SYNJ2: variants seen among roughly 807,000 people sequenced by gnomAD.
SYNJ2 encodes the protein synaptojanin 2.
SYNJ2 carries 116 observed loss-of-function variants against 141.3 expected under a neutral mutation model. The ratio of observed to expected loss-of-function variants is 0.82; its 90% CI spans 0.71 to 0.96. The LOEUF (loss-of-function observed/expected upper bound fraction) is 0.96. Ranked by LOEUF, SYNJ2 falls within the 40% of genes least tolerant of loss-of-function variation. The pLI is 0.00. For synonymous variants in SYNJ2, 745 were observed against 777.7 expected, an observed-to-expected ratio of 0.96 and a Z score of 0.70; for missense variants, 1,873 against 1,934.8, an observed-to-expected ratio of 0.97 and a Z score of 0.60.
chr6:158,054,045 CCCATTCATCCATCCACCCATTATCCAT>C (rs1780723697), intron 5 of SYNJ2, among the ~76,000 whole-genome samples: 1 of 150,836 alleles, frequency 6.6e-6, no homozygotes, highest in Admixed American at 6.6e-5. Context: ...CATCCATCCC[CCCATTCATCCATCCACCCATTATCCAT>C]CCATTCAGCC....
At chr6:158,045,705 C>T (rs1780202963) in intron 5 of SYNJ2, among the ~76,000 whole-genome samples, 1 of 152,212 alleles carries the variant, frequency 6.6e-6, no homozygotes, top group South Asian at 2.1e-4. Flanking sequence ...TCATCTCCCT[C>T]ATCTAAAAAA....
At chr6:158,003,948 C>T (rs566526730) in intron 1 of SYNJ2, among the ~76,000 whole-genome samples, 1 of 152,342 alleles carries the variant, frequency 6.6e-6, no homozygotes, top group South Asian at 2.1e-4. Flanking sequence ...GGGGAGTTCC[C>T]CAGCCTCCTC....
At position 158,017,293 on chromosome 6, in the gene SYNJ2, G is replaced by A. The variant is rs1386398024; in HGVS notation, c.214+3G>A. Reference sequence around the variant, plus strand: ...GGGGGAGCTGAGGCTGAAATCTGGTGAGTAGCCGCTCGCTGGAGGAGCAGG... The same window carrying A: ...GGGGGAGCTGAGGCTGAAATCTGGTAAGTAGCCGCTCGCTGGAGGAGCAGG... On this transcript the variant is annotated splice_donor_region_variant and intron_variant, in intron 2 of 26. Coordinates refer to ENST00000355585, the MANE Select transcript of SYNJ2 (RefSeq NM_003898.4). 6.2e-6 allele frequency: 10 copies of A among 1,611,636 alleles called. No individual in the cohort carries two copies. Among genetic ancestry groups the A allele is most frequent in the Non-Finnish European group, 8.5e-6 (10 of 1,179,246 alleles).
At chr6:158,029,088 G>C in intron 3 of SYNJ2, 62 bp downstream of exon 3, 1 of 1,574,336 alleles carries the variant, frequency 6.4e-7, no homozygotes, top group Admixed American at 1.8e-5. Context: ...GTGGGCCCTG[G>C]TTGGCATCTG....
Position 158,096,453 on chromosome 6 carries a change from G to C in SYNJ2, c.*89G>C. 6.9e-7 allele frequency: 1 copy of C among 1,440,032 alleles called. No homozygotes were observed. Among genetic ancestry groups the C allele is most frequent in the Non-Finnish European group, 9.2e-7 (1 of 1,083,926 alleles). 89.2% of individuals were successfully genotyped at this position (1,440,032 alleles called of 1,614,324 possible). A position where few individuals can be genotyped will look rare whatever the true frequency, so the allele number is the denominator to read the frequency against. ...CACCAGAAGAGACATCTATTTAAAG[G>C]CACACTGGCCAAAACGTTTGTGCAT... On this transcript the variant is annotated 3_prime_UTR_variant, in exon 27 of 27. Transcript: ENST00000355585.
At chr6:158,050,363 A>G (rs1011591313) in intron 5 of SYNJ2, among the ~76,000 whole-genome samples, 5 of 152,220 alleles carry the variant, frequency 3.3e-5, no homozygotes, top group African/African-American at 1.2e-4. Context: ...CCACACTTTG[A>G]GAATCACTGG....
chr6:158,065,072 A>T (rs1781482477), intron 11 of SYNJ2, 81 bp downstream of exon 11: 1 of 1,441,812 alleles, frequency 6.9e-7, no homozygotes, highest in Admixed American at 2.7e-5. Flanking sequence ...TGTGCTATCC[A>T]GAGAGCGGGT....
chr6:158,070,323 C>T lies in SYNJ2; in HGVS notation c.1940+650C>T, dbSNP rs573809624. 2.0e-6 allele frequency: 2 copies of T among 985,556 alleles called. No individual in the cohort carries two copies. Among genetic ancestry groups the T allele is most frequent in the Non-Finnish European group, 2.4e-6 (2 of 830,070 alleles). The allele number at this position is 985,556 out of a possible 1,614,324, so 61.1% of individuals were successfully genotyped here. On this transcript the variant is annotated intron_variant, in intron 14 of 26. Coordinates refer to ENST00000355585, the MANE Select transcript of SYNJ2 (RefSeq NM_003898.4). The surrounding 1 kb of genome is among the most constrained non-coding windows in gnomAD (Gnocchi z 4.0). ...GCGTTGAACTGACCTCCCCACTGAG[C>T]CCCTGGGTCCCGGGAAGGGCCTGTG...
chr6:158,021,189 C>T (rs138643037), intron 2 of SYNJ2, among the ~76,000 whole-genome samples: 1 of 152,332 alleles, frequency 6.6e-6, no homozygotes, highest in East Asian at 1.9e-4. Flanking sequence ...CTATCCCAGA[C>T]TATAATGAAT....
rs981751152 is a variant in SYNJ2 at position 158,070,366 on chromosome 6, G to A, written c.1940+693G>A. On this transcript the variant is annotated intron_variant, in intron 14 of 26. Transcript: ENST00000355585. This position sits in a 1 kb window ranked among gnomAD's most constrained non-coding sequence, Gnocchi z 4.0. ...GGCCTGTGCCTGCCAAGAGCACCAC[G>A]GGTACACCCCTGCAGCACCTGGAGA... is the stretch of plus-strand genomic sequence containing the variant. 3.5e-5 allele frequency: 34 copies of A among 985,364 alleles called. No homozygotes were observed. The highest frequency in any genetic ancestry group is 3.4e-4 in the East Asian group (3 of 8,818). The allele number at this position is 985,364 out of a possible 1,614,324, so 61.0% of individuals were successfully genotyped here.
rs751346254 is a variant in SYNJ2, at chr6:158,071,638, G to T, written c.1977G>T (p.Gly659=). Reference sequence around the variant, plus strand: ...TCGACACAGTGAAGACGGGCATGGGGGGCAAGGCGGGGAACAAGGGCGCCG... The same window carrying T: ...TCGACACAGTGAAGACGGGCATGGGTGGCAAGGCGGGGAACAAGGGCGCCG... ...VAIDTVKTGM[G]GKAGNKGAVG... Residue 659 remains glycine (G), a synonymous_variant, in exon 15 of 27, where the codon GGG becomes GGT. Transcript: ENST00000355585. The surrounding 1 kb of genome is among the most constrained non-coding windows in gnomAD (Gnocchi z 4.3). 6.2e-7 allele frequency: 1 copy of T among 1,614,090 alleles called. No individual in the cohort carries two copies. The highest frequency in any genetic ancestry group is 2.2e-5 in the East Asian group (1 of 44,878).
chr6:158,063,726 C>A (rs1781376003), intron 8 of SYNJ2, 65 bp from the exon 9 acceptor site: 1 of 1,155,292 alleles, frequency 8.7e-7, no homozygotes, highest in East Asian at 2.8e-5. Context: ...ACATGGGCCT[C>A]TGTGCTATGG....
intron 1 of SYNJ2, among the ~76,000 whole-genome samples, chr6:158,007,371 C>T (rs377424432): frequency 6.6e-6 from 1 of 152,216 alleles, no homozygotes; most frequent in Non-Finnish European, 1.5e-5. Flanking sequence ...TCAGCCTCCA[C>T]GCAGGGCTGC....
chr6:158,018,373 C>T (rs575808843), intron 2 of SYNJ2, among the ~76,000 whole-genome samples: 347 of 152,290 alleles, frequency 2.3e-3, no homozygotes, highest in Non-Finnish European at 4.0e-3. Context: ...AGAGCCCAGT[C>T]GCATTCCTGA....
At chr6:158,051,032 T>C (rs1438754830) in intron 5 of SYNJ2, among the ~76,000 whole-genome samples, 1 of 152,100 alleles carries the variant, frequency 6.6e-6, no homozygotes, top group Non-Finnish European at 1.5e-5. Context: ...AGCCTGGGGA[T>C]TGGAGCCTGC....
chr6:158,050,515 T>G (rs1171754780), intron 5 of SYNJ2, among the ~76,000 whole-genome samples: 1 of 152,258 alleles, frequency 6.6e-6, no homozygotes, highest in Non-Finnish European at 1.5e-5. Flanking sequence ...GCAGGGGATA[T>G]TGACCATGCC....
chr6:158,009,688 G>T (rs997285628), intron 1 of SYNJ2, among the ~76,000 whole-genome samples: 13 of 152,330 alleles, frequency 8.5e-5, no homozygotes, highest in African/African-American at 3.1e-4. Flanking sequence ...TATCAAGAAA[G>T]GGGGGATGGA....
intron 2 of SYNJ2, 82 bp from the exon 3 acceptor site, chr6:158,028,674 C>T: frequency 3.2e-6 from 5 of 1,551,248 alleles, no homozygotes; most frequent in Non-Finnish European, 4.3e-6. Context: ...GCGGTTGAAC[C>T]TGGGCTCCAT....
At chr6:158,091,551 A>T (rs911974426) in intron 25 of SYNJ2, among the ~76,000 whole-genome samples, 4 of 151,878 alleles carry the variant, frequency 2.6e-5, no homozygotes, top group Non-Finnish European at 4.4e-5. Context: ...GATCGAGACC[A>T]TCCTGGCTAA....
Sources: allele counts gnomAD v4.1 joint callset (sites outside exome capture counted in the v4.1 genomes callset), GRCh38; gene constraint gnomAD v4.1.1; non-coding constraint Gnocchi (gnomAD v3.1); transcripts MANE v1.5; gene names NCBI Gene and HGNC (gene_info 2026-07-23, HGNC 2026-07-21).